TIA1: variants seen among roughly 807,000 people sequenced by gnomAD.
TIA1 encodes the protein cytotoxic granule associated RNA binding protein TIA1.
A neutral mutation model predicts 65.9 loss-of-function variants in TIA1; 23 were observed. The observed-to-expected ratio is 0.35, with a 90% confidence interval of 0.25 to 0.49. TIA1 has a LOEUF of 0.49. Ranked by LOEUF, TIA1 falls within the 20% of genes least tolerant of loss-of-function variation. The pLI, the probability that TIA1 is intolerant of heterozygous loss-of-function variation, is 0.98. For missense variants in TIA1, 371 were observed against 477.9 expected (o/e 0.78, Z 2.09); for synonymous variants, 147 against 149.4 (o/e 0.98, Z 0.12).
chr2:70,233,732 C>T (rs1687561547), intron 2 of TIA1, among the ~76,000 whole-genome samples: 1 of 150,458 alleles, frequency 6.6e-6, no homozygotes, highest in Admixed American at 6.6e-5. Context: ...TGCCATTGCA[C>T]TCCAGCCTGG....
In TIA1 at chr2:70,212,588, A is replaced by G. The variant is rs1467982835; in HGVS notation, c.*131T>C. 2 of 569,504 alleles carry G rather than the reference A, an allele frequency of 3.5e-6. No homozygotes were observed. The highest frequency in any genetic ancestry group is 2.7e-5 in the East Asian group (1 of 36,538). 35.3% of individuals were successfully genotyped at this position (569,504 alleles called of 1,614,324 possible). On this transcript the variant is annotated 3_prime_UTR_variant, in exon 13 of 13. Transcript: ENST00000433529. Reference sequence around the variant, plus strand: ...ATGATAAGTAATTTCATGATTAAAAATGAATCTTTTAAATAAATACATTGT... The same window carrying G: ...ATGATAAGTAATTTCATGATTAAAAGTGAATCTTTTAAATAAATACATTGT...
Position 70,224,495 on chromosome 2 carries a change from C to A in TIA1, c.474+59G>T, listed in dbSNP as rs769632515. On this transcript the variant is annotated intron_variant, in intron 7 of 12. Transcript: ENST00000433529. The stretch of plus-strand genomic sequence containing the variant: ...ACGAAAAAAAGATTAGTAATTAAAA[C>A]GGAGTGTTTCCATTCTTTACTCTTT... The A allele has an allele frequency of 6.9e-6, 11 of 1,604,128 alleles. No individual in the cohort carries two copies. In the Admixed American group the frequency reaches 1.6e-4, roughly 23 times the overall value.
At chr2:70,219,223 C>A (rs1680101815) in intron 7 of TIA1, among the ~76,000 whole-genome samples, 1 of 151,856 alleles carries the variant, frequency 6.6e-6, no homozygotes, top group South Asian at 2.1e-4. Flanking sequence ...GGAATAATCA[C>A]TAGCTAAGGT....
intron 5 of TIA1, chr2:70,228,435 T>C (rs1477781034): frequency 1.6e-6 from 2 of 1,285,888 alleles, no homozygotes; most frequent in Admixed American, 2.4e-5. Flanking sequence ...ATTCAGTTTA[T>C]GTGAATCCAT....
rs1676437504 is a variant in TIA1, at chr2:70,211,348, A to T, written c.*1371T>A. The T allele has an allele frequency of 6.6e-6, 1 of 152,240 alleles. No homozygotes were observed. Among genetic ancestry groups the T allele is most frequent in the Admixed American group, 6.5e-5 (1 of 15,284 alleles). 9.4% of individuals were successfully genotyped at this position (152,240 alleles called of 1,614,324 possible). Reference sequence around the variant, plus strand: ...CGGGAACTCCAGGAAAACAGGTACCAAACGAATCAAAATAATGATTGCACT... The same window carrying T: ...CGGGAACTCCAGGAAAACAGGTACCTAACGAATCAAAATAATGATTGCACT... On this transcript the variant is annotated 3_prime_UTR_variant, in exon 13 of 13. Transcript: ENST00000433529.
Position 70,212,496 on chromosome 2 carries a change from C to G in TIA1, c.*223G>C, listed in dbSNP as rs1023472033. ...GAAACAAGGATCTGAGAAACTTTAT[C>G]AAAAAAGGTAATGAAGGCAAAAATT... On this transcript the variant is annotated 3_prime_UTR_variant, in exon 13 of 13. Coordinates refer to ENST00000433529, the MANE Select transcript of TIA1 (RefSeq NM_022173.4). 2.6e-6 allele frequency: 1 copy of G among 383,198 alleles called. No individual in the cohort carries two copies. Among genetic ancestry groups the G allele is most frequent in the Non-Finnish European group, 4.9e-6 (1 of 205,278 alleles). 23.7% of individuals were successfully genotyped at this position (383,198 alleles called of 1,614,324 possible).
At chr2:70,218,573 AT>A (rs925539601) in intron 7 of TIA1, among the ~76,000 whole-genome samples, 4 of 151,472 alleles carry the variant, frequency 2.6e-5, no homozygotes, top group Admixed American at 6.6e-5. Context: ...AGCCCGGCTA[AT>A]TTTTTTTTGT....
intron 1 of TIA1, among the ~76,000 whole-genome samples, chr2:70,246,728 A>G (rs529822387): frequency 6.6e-6 from 1 of 152,154 alleles, no homozygotes; most frequent in Admixed American, 6.5e-5. Flanking sequence ...TCTACTAAAA[A>G]TACAAAAATT....
In TIA1 at chr2:70,214,391, G is replaced by A. The variant is rs1677653225; in HGVS notation, c.992C>T (p.Ala331Val). Residue 331 changes from alanine (A) to valine (V), a missense_variant, in exon 12 of 13, where the codon GCA becomes GTA. Coordinates refer to ENST00000433529, the MANE Select transcript of TIA1 (RefSeq NM_022173.4). ...QYMPNGWQVP[A>V]YGMYGQAWNQ... ...CCATGCCTGGCCATACATTCCATAT[G>A]CAGGAACTTGCCAACCATTAGGCAT... 1 of 1,613,756 alleles carries A rather than the reference G, an allele frequency of 6.2e-7. No homozygotes were observed. Among genetic ancestry groups the A allele is most frequent in the Non-Finnish European group, 8.5e-7 (1 of 1,179,862 alleles).
Position 70,246,834 on chromosome 2 carries a change from C to T in TIA1, c.26+1571G>A, listed in dbSNP as rs367868745. ...CCAGGAGGTGGAGGTTGCAGTGAGC[C>T]GAAATCGCATCACTGCACTCTAGCC... On this transcript the variant is annotated intron_variant, in intron 1 of 12. Coordinates refer to ENST00000433529, the MANE Select transcript of TIA1 (RefSeq NM_022173.4). Among the ~76,000 whole-genome samples, 405 of 152,068 alleles carry T rather than the reference C, an allele frequency of 2.7e-3. 1 individual carries two copies. The South Asian group carries it at 0.03, about 11-fold the overall frequency.
intron 3 of TIA1, among the ~76,000 whole-genome samples, chr2:70,229,928 A>G (rs1316264977): frequency 6.7e-6 from 1 of 150,178 alleles, no homozygotes; most frequent in Non-Finnish European, 1.5e-5. Context: ...ACAAAGCAAG[A>G]TTCCATCTCA....
intron 1 of TIA1, among the ~76,000 whole-genome samples, chr2:70,246,376 C>A (rs1694306410): frequency 6.6e-6 from 1 of 152,154 alleles, no homozygotes; most frequent in South Asian, 2.1e-4. Context: ...AAGCAAAAAT[C>A]TTACATTAAA....
chr2:70,241,418 G>A (rs1360984339), intron 1 of TIA1, among the ~76,000 whole-genome samples: 3 of 151,970 alleles, frequency 2.0e-5, no homozygotes, highest in Non-Finnish European at 2.9e-5. Flanking sequence ...CTCCAGCCTG[G>A]CAACAGAGCG....
intron 7 of TIA1, among the ~76,000 whole-genome samples, chr2:70,220,893 C>T (rs970887485): frequency 2.0e-5 from 3 of 151,576 alleles, no homozygotes; most frequent in African/African-American, 7.3e-5. Context: ...TGGCCAGGAA[C>T]GGTGCCTCAT....
intron 2 of TIA1, 150 bp downstream of exon 2, chr2:70,235,929 A>G (rs969839311): frequency 1.2e-4 from 54 of 458,954 alleles, no homozygotes; most frequent in African/African-American, 9.1e-4. Context: ...AACTTAGAAT[A>G]TGGTAAACTA....
intron 1 of TIA1, among the ~76,000 whole-genome samples, chr2:70,245,152 A>T (rs1235855558): frequency 1.3e-5 from 2 of 151,920 alleles, no homozygotes; most frequent in Non-Finnish European, 2.9e-5. Context: ...ACACCTAGCT[A>T]ATTTTTGTAT....
At chr2:70,229,606 T>C (rs56407305) in intron 3 of TIA1, among the ~76,000 whole-genome samples, 376 of 152,306 alleles carry the variant, frequency 2.5e-3, no homozygotes, top group Non-Finnish European at 4.7e-3. Flanking sequence ...GCTTGAGTAA[T>C]TCAGCAAATA....
chr2:70,236,002 G>T, intron 2 of TIA1, 77 bp downstream of exon 2: 1 of 830,136 alleles, frequency 1.2e-6, no homozygotes, highest in Non-Finnish European at 1.9e-6. Context: ...GGTAAACTAA[G>T]AATTCCTTCC....
intron 7 of TIA1, 21 bp downstream of exon 7, chr2:70,224,533 T>G (rs1399517560): frequency 8.7e-6 from 14 of 1,613,858 alleles, no homozygotes; most frequent in Non-Finnish European, 1.7e-6. Flanking sequence ...GCATTATCCA[T>G]GCACTTCTCA....
Sources: gnomAD v4.1 joint callset for allele counts (sites outside exome capture counted in the v4.1 genomes callset) on GRCh38, gnomAD v4.1.1 for gene constraint, MANE v1.5 for transcripts, NCBI Gene and HGNC (gene_info 2026-07-23, HGNC 2026-07-21) for gene names.